QSER1: variants seen among roughly 807,000 people sequenced by gnomAD.
QSER1 encodes glutamine and serine rich 1.
A neutral mutation model predicts 158.5 loss-of-function variants in QSER1; 49 were observed. The observed-to-expected ratio is 0.31, with a 90% CI of 0.25 to 0.39. The LOEUF (loss-of-function observed/expected upper bound fraction) is 0.39. Ranked by LOEUF, QSER1 falls within the 10% of genes least tolerant of loss-of-function variation. The pLI is 1.00. For synonymous variants in QSER1, 650 were observed against 715.5 expected (o/e 0.91, Z 1.46); for missense variants, 1,754 against 2,010.3 (o/e 0.87, Z 2.44).
chr11:32,965,857 C>T (rs936141058), intron 8 of QSER1, among the ~76,000 whole-genome samples: 1 of 151,424 alleles, frequency 6.6e-6, no homozygotes, highest in African/African-American at 2.4e-5. Flanking sequence ...AGGAGAATTG[C>T]TTGAACCTAG....
Position 32,933,775 on chromosome 11 carries a change from T to C in QSER1, c.2517T>C (p.His839=), listed in dbSNP as rs1329966377. ...NASSQIQIPN[H]ALGHGHQASL... ...CATCTCAGATTCAAATTCCAAATCA[T>C]GCTTTAGGGCATGGCCATCAGGCAT... Residue 839 remains histidine, a synonymous_variant, in exon 4 of 13, where the codon CAT becomes CAC. Coordinates refer to ENST00000650167, the MANE Select transcript of QSER1 (RefSeq NM_001076786.3). The C allele has an allele frequency of 1.2e-6, 2 of 1,613,880 alleles. No individual in the cohort carries two copies. Among genetic ancestry groups the C allele is most frequent in the African/African-American group, 2.7e-5 (2 of 74,944 alleles).
chr11:32,969,206 G>A (rs552154158), intron 10 of QSER1, 63 bp downstream of exon 10: 2 of 974,638 alleles, frequency 2.1e-6, no homozygotes, highest in Middle Eastern at 2.1e-4. Context: ...AGTATAATAG[G>A]AAGGAAATTT....
chr11:32,936,712 A>G (rs1422743239), intron 4 of QSER1, among the ~76,000 whole-genome samples: 1 of 152,222 alleles, frequency 6.6e-6, no homozygotes. Flanking sequence ...TTCTGGTTCT[A>G]GAGCCTACAT....
Position 32,954,092 on chromosome 11 carries a change from TGAG to T in QSER1, c.4419_4421del (p.Glu1473del), listed in dbSNP as rs755802143. The T allele has an allele frequency of 3.7e-6, 6 of 1,613,950 alleles. No homozygotes were observed. Among genetic ancestry groups the T allele is most frequent in the Admixed American group, 1.7e-5 (1 of 59,988 alleles). ...CTGTTGCCATAGAAGGTTTTACAGA[TGAG>T]GAGGACACAGAAAGCGGAGGAGAAG... On this transcript the variant is annotated inframe_deletion, in exon 5 of 13. Coordinates refer to ENST00000650167, the MANE Select transcript of QSER1 (RefSeq NM_001076786.3).
chr11:32,912,582 CCAGGCGATGCTG>C (rs1564927814), intron 1 of QSER1, among the ~76,000 whole-genome samples: 12 of 152,054 alleles, frequency 7.9e-5, no homozygotes, highest in African/African-American at 2.9e-4. Flanking sequence ...AAAAAACTAA[CCAGGCGATGCTG>C]ATGAGCATCG....
At chr11:32,959,256 C>T (rs1852579220) in intron 8 of QSER1, among the ~76,000 whole-genome samples, 1 of 152,154 alleles carries the variant, frequency 6.6e-6, no homozygotes, top group Admixed American at 6.5e-5. Context: ...TTGAGTAGTT[C>T]TACAGAGACC....
intron 10 of QSER1, among the ~76,000 whole-genome samples, chr11:32,972,413 A>G (rs953202278): frequency 6.5e-5 from 7 of 107,118 alleles, no homozygotes; most frequent in Non-Finnish European, 1.3e-4. Flanking sequence ...TGGCTTATTT[A>G]TTTATTTATT....
At chr11:32,943,779 C>G (rs552510115) in intron 4 of QSER1, among the ~76,000 whole-genome samples, 84 of 152,224 alleles carry the variant, frequency 5.5e-4, no homozygotes, top group African/African-American at 1.9e-3. Context: ...CCCTCTTTTT[C>G]TATTGATTGC....
chr11:32,909,832 T>C (rs964328983), intron 1 of QSER1, among the ~76,000 whole-genome samples: 1 of 152,140 alleles, frequency 6.6e-6, no homozygotes, highest in African/African-American at 2.4e-5. Context: ...GGGGGTGTGG[T>C]CATGACATTA....
At chr11:32,972,404 G>GGCTT (rs1476584442) in intron 10 of QSER1, among the ~76,000 whole-genome samples, 47 of 141,260 alleles carry the variant, frequency 3.3e-4, no homozygotes, top group Middle Eastern at 3.6e-3. Flanking sequence ...ATAGGCCAGT[G>GGCTT]GCTTATTTAT....
rs1852470328 is a variant in QSER1, at chr11:32,954,088, C to G, written c.4409C>G (p.Thr1470Arg). ...GQDTVAIEGFTDEEDTESGGE... is the reference protein window; with the variant it reads ...GQDTVAIEGFRDEEDTESGGE... ...GACACTGTTGCCATAGAAGGTTTTA[C>G]AGATGAGGAGGACACAGAAAGCGGA... is the stretch of plus-strand genomic sequence containing the variant. Residue 1470 changes from threonine to arginine, a missense_variant, in exon 5 of 13, where the codon ACA (threonine) becomes AGA (arginine). Physicochemically the swap from Thr to Arg is moderately conservative, Grantham distance 71. Around this residue, in one of 2 missense-constraint regions of QSER1, gnomAD observed 1,707 missense variants for 1,919.6 expected, o/e 0.89. Coordinates refer to ENST00000650167, the MANE Select transcript of QSER1 (RefSeq NM_001076786.3). 1 of 1,614,114 alleles carries G rather than the reference C, an allele frequency of 6.2e-7. No individual in the cohort carries two copies. Among genetic ancestry groups the G allele is most frequent in the African/African-American group, 1.3e-5 (1 of 75,042 alleles).
rs780986271 is a variant in QSER1 at position 32,935,468 on chromosome 11, ACTTT to A, written c.4177+37_4177+40del. 20 of 1,417,168 alleles carry A rather than the reference ACTTT, an allele frequency of 1.4e-5. No homozygotes were observed. In the South Asian group the frequency reaches 2.8e-4, roughly 20 times the overall value. The allele number at this position is 1,417,168 out of a possible 1,614,324, so 87.8% of individuals were successfully genotyped here. A position where few individuals can be genotyped will look rare whatever the true frequency, so the allele number is the denominator to read the frequency against. ...TTTACAATTTAGATTCATAATTATTACTTTCTTCTATTTTTCCAGCTATAGCCCA... is the reference window on the plus strand; with the variant it reads ...TTTACAATTTAGATTCATAATTATTACTTCTATTTTTCCAGCTATAGCCCA... On this transcript the variant is annotated intron_variant, in intron 4 of 12. Coordinates refer to ENST00000650167, the MANE Select transcript of QSER1 (RefSeq NM_001076786.3).
chr11:32,976,215 A>G lies in QSER1; in HGVS notation c.5455-119A>G, dbSNP rs1330049115. The stretch of plus-strand genomic sequence containing the variant: ...AGAGGATGAGATCTCACCCAAATTT[A>G]GCTGAAATAATCATTCTCCATGGAT... On this transcript the variant is annotated intron_variant, in intron 12 of 12. Transcript: ENST00000650167. 7.9e-6 allele frequency: 7 copies of G among 889,392 alleles called. No homozygotes were observed. The Admixed American group carries it at 2.5e-4, about 32-fold the overall frequency. 55.1% of individuals were successfully genotyped at this position (889,392 alleles called of 1,614,324 possible).
chr11:32,911,752 C>A (rs1012871652), intron 1 of QSER1, among the ~76,000 whole-genome samples: 1 of 152,214 alleles, frequency 6.6e-6, no homozygotes, highest in African/African-American at 2.4e-5. Context: ...TTTCCTGAGG[C>A]CTCTCCAGCC....
At chr11:32,894,049 G>A (rs1056141059) in intron 1 of QSER1, among the ~76,000 whole-genome samples, 3 of 151,538 alleles carry the variant, frequency 2.0e-5, no homozygotes, top group African/African-American at 4.8e-5. Flanking sequence ...ATGCCTCGGG[G>A]TGACTGAGAG....
At position 32,934,866 on chromosome 11, in the gene QSER1, A is replaced by G. The variant is rs191737970; in HGVS notation, c.3608A>G (p.Lys1203Arg). 628 of 1,614,096 alleles carry G rather than the reference A, an allele frequency of 3.9e-4. No individual in the cohort carries two copies. The highest frequency in any genetic ancestry group is 5.2e-4 in the Non-Finnish European group (613 of 1,180,002). ...TTAATGCATTTTAACCTTCAAAAGA[A>G]AAGAGCTAAAGGAAAAGGGCAAGTT... The part of the protein sequence containing the change: ...QDLMHFNLQK[K>R]RAKGKGQVKE... The change falls in exon 4 of 13, where the codon AAA (lysine) becomes AGA (arginine). Residue 1203 changes from lysine (K) to arginine (R), a missense_variant. Coordinates refer to ENST00000650167, the MANE Select transcript of QSER1 (RefSeq NM_001076786.3).
chr11:32,917,482 A>C (rs1268893963), intron 1 of QSER1, among the ~76,000 whole-genome samples: 2 of 152,164 alleles, frequency 1.3e-5, no homozygotes, highest in African/African-American at 4.8e-5. Context: ...TTCACAGCTA[A>C]CTTAATGTCA....
Position 32,961,574 on chromosome 11 carries a change from C to T in QSER1, c.4969+3488C>T, listed in dbSNP as rs369492266. On this transcript the variant is annotated intron_variant, in intron 8 of 12. Transcript: ENST00000650167. Reference sequence around the variant, plus strand: ...ATAACCCTCACCTATATTTCCAAAACTTTTATCATCCCAAACAGAAACTGT... The same window carrying T: ...ATAACCCTCACCTATATTTCCAAAATTTTTATCATCCCAAACAGAAACTGT... Among the ~76,000 whole-genome samples the T allele has an allele frequency of 3.3e-5, 5 of 152,116 alleles. No individual in the cohort carries two copies. The East Asian group carries it at 5.8e-4, about 18-fold the overall frequency.
At chr11:32,953,242 T>A (rs1852453896) in intron 4 of QSER1, among the ~76,000 whole-genome samples, 2 of 152,048 alleles carry the variant, frequency 1.3e-5, no homozygotes, top group South Asian at 4.1e-4. Flanking sequence ...TTTCAGAATG[T>A]TTTGGGTTTT....
Sources: allele counts gnomAD v4.1 joint callset (sites outside exome capture counted in the v4.1 genomes callset), GRCh38; gene constraint gnomAD v4.1.1; regional missense constraint gnomAD v4.1.1; transcripts MANE v1.5; gene names NCBI Gene and HGNC (gene_info 2026-07-23, HGNC 2026-07-21).